OXR1: variants seen among roughly 807,000 people sequenced by gnomAD.
The protein encoded by OXR1 is oxidation resistance protein 1.
A neutral mutation model predicts 104.6 loss-of-function variants in OXR1; 41 were observed. That is an observed-to-expected ratio of 0.39 (90% CI 0.31 to 0.51). The LOEUF (loss-of-function observed/expected upper bound fraction) is 0.51, where lower values mean the gene tolerates loss of function less well. OXR1 is among the 20% of genes least tolerant of loss of function. The pLI is 0.77. For missense variants in OXR1, 955 were observed against 1,031.9 expected, an observed-to-expected ratio of 0.93 and a Z score of 1.02; for synonymous variants, 348 against 348.4, an observed-to-expected ratio of 1.00 and a Z score of 0.01.
At chr8:106,494,729 G>A (rs1811309470) in intron 2 of OXR1, among the ~76,000 whole-genome samples, 1 of 152,154 alleles carries the variant, frequency 6.6e-6, no homozygotes. Context: ...GTGTAGAATG[G>A]GACCTGAGAC....
intron 3 of OXR1, among the ~76,000 whole-genome samples, chr8:106,572,287 G>A (rs1586829666): frequency 1.3e-5 from 2 of 152,188 alleles, no homozygotes; most frequent in East Asian, 3.9e-4. Context: ...TGACCCCTAT[G>A]GTATAATCTG....
At chr8:106,560,616 A>G (rs1816606562) in intron 3 of OXR1, among the ~76,000 whole-genome samples, 1 of 152,142 alleles carries the variant, frequency 6.6e-6, no homozygotes, top group Non-Finnish European at 1.5e-5. Context: ...AAGTCACAGA[A>G]CACTCTCCAG....
intron 2 of OXR1, among the ~76,000 whole-genome samples, chr8:106,432,803 G>A (rs1013964296): frequency 6.6e-6 from 1 of 152,036 alleles, no homozygotes; most frequent in African/African-American, 2.4e-5. Flanking sequence ...TTGTTTTGGG[G>A]CCTAGAACAA....
chr8:106,495,007 G>C (rs1811323818), intron 2 of OXR1, among the ~76,000 whole-genome samples: 1 of 152,060 alleles, frequency 6.6e-6, no homozygotes, highest in Non-Finnish European at 1.5e-5. Flanking sequence ...ACACGTGTAG[G>C]TACTCACAGT....
At chr8:106,636,733 A>T (rs747970866) in intron 3 of OXR1, among the ~76,000 whole-genome samples, 5 of 112,862 alleles carry the variant, frequency 4.4e-5, no homozygotes, top group Non-Finnish European at 7.3e-5. Context: ...ACCTATTAGG[A>T]GGAATAAATG....
chr8:106,747,605 G>C (rs1427503437), intron 16 of OXR1, among the ~76,000 whole-genome samples: 1 of 152,108 alleles, frequency 6.6e-6, no homozygotes, highest in Non-Finnish European at 1.5e-5. Flanking sequence ...CTGGCTTTCT[G>C]GGTGTTTCAC....
chr8:106,454,986 A>G (rs191303782), intron 2 of OXR1, among the ~76,000 whole-genome samples: 1 of 152,310 alleles, frequency 6.6e-6, no homozygotes, highest in Non-Finnish European at 1.5e-5. Flanking sequence ...ATAAGAACTA[A>G]CACTATAGTA....
chr8:106,404,713 A>AT (rs59495540), intron 2 of OXR1, among the ~76,000 whole-genome samples: 5,619 of 147,952 alleles, frequency 0.038, 192 homozygotes, highest in African/African-American at 0.089. Context: ...CTCCTTGCTT[A>AT]TTTTTTTTTT....
At chr8:106,295,249 T>C (rs894179806) in intron 1 of OXR1, among the ~76,000 whole-genome samples, 35 of 152,074 alleles carry the variant, frequency 2.3e-4, no homozygotes, top group Non-Finnish European at 4.7e-4. Flanking sequence ...ACCTCAAATA[T>C]AAGGATAAGA....
intron 2 of OXR1, among the ~76,000 whole-genome samples, chr8:106,478,308 A>C (rs1313208820): frequency 6.6e-6 from 1 of 151,898 alleles, no homozygotes; most frequent in Non-Finnish European, 1.5e-5. Context: ...AAAAAAAATA[A>C]ACTGATAAGC....
chr8:106,486,429 TGTCAAGAA>T (rs1810662423), intron 2 of OXR1, among the ~76,000 whole-genome samples: 1 of 151,994 alleles, frequency 6.6e-6, no homozygotes, highest in Non-Finnish European at 1.5e-5. Context: ...GAGTCCACTA[TGTCAAGAA>T]GTAAGACATA....
intron 1 of OXR1, among the ~76,000 whole-genome samples, chr8:106,321,149 A>G (rs1039595050): frequency 2.6e-5 from 4 of 152,254 alleles, no homozygotes; most frequent in Non-Finnish European, 5.9e-5. Flanking sequence ...AAGTTAAAAA[A>G]TAGTTTTTAG....
chr8:106,310,139 C>G (rs1000857982), intron 1 of OXR1, among the ~76,000 whole-genome samples: 1 of 151,312 alleles, frequency 6.6e-6, no homozygotes, highest in Non-Finnish European at 1.5e-5. Flanking sequence ...CATATTATGG[C>G]TATAAAAATG....
chr8:106,562,934 A>G (rs1214787480), intron 3 of OXR1, among the ~76,000 whole-genome samples: 1 of 152,184 alleles, frequency 6.6e-6, no homozygotes, highest in Non-Finnish European at 1.5e-5. Context: ...AGATTTTGCC[A>G]CCACCAGGCC....
chr8:106,633,451 C>T (rs1384016580), intron 3 of OXR1, among the ~76,000 whole-genome samples: 3 of 152,268 alleles, frequency 2.0e-5, no homozygotes, highest in South Asian at 4.1e-4. Flanking sequence ...ATTTTACCAT[C>T]GTATCTTACT....
intron 3 of OXR1, among the ~76,000 whole-genome samples, chr8:106,539,603 G>C (rs981079758): frequency 6.6e-6 from 1 of 152,218 alleles, no homozygotes; most frequent in Non-Finnish European, 1.5e-5. Context: ...GTGGGATGTA[G>C]TATGAATTCT....
rs1399289817 is a variant in OXR1, at chr8:106,573,278, A to T, written c.220+54139A>T. ...CCCCACCACAGACATACACAGAATA[A>T]TGTTTGGCCAAATGTCTGGGCACCC... On this transcript the variant is annotated intron_variant, in intron 3 of 16. Coordinates refer to ENST00000517566, the MANE Select transcript of OXR1 (RefSeq NM_001198533.2). Among the ~76,000 whole-genome samples, 9 of 151,894 alleles carry T rather than the reference A, an allele frequency of 5.9e-5. No individual in the cohort carries two copies. The East Asian group carries it at 1.7e-3, about 29-fold the overall frequency.
At chr8:106,281,799 C>CAAA (rs59515650) in intron 1 of OXR1, among the ~76,000 whole-genome samples, 17 of 62,890 alleles carry the variant, frequency 2.7e-4, no homozygotes, top group Admixed American at 3.6e-4. Flanking sequence ...GACTCTATCT[C>CAAA]AAAAAAAAAA....
At chr8:106,578,641 T>C (rs542421476) in intron 3 of OXR1, among the ~76,000 whole-genome samples, 1 of 152,354 alleles carries the variant, frequency 6.6e-6, no homozygotes, top group African/African-American at 2.4e-5. Flanking sequence ...GTGTGTGTCA[T>C]TGTAAAATTG....
Sources: gnomAD v4.1 joint callset for allele counts (sites outside exome capture counted in the v4.1 genomes callset) on GRCh38, gnomAD v4.1.1 for gene constraint, MANE v1.5 for transcripts, NCBI Gene and HGNC (gene_info 2026-07-23, HGNC 2026-07-21) for gene names.